Variants in SORT1 observed in about 807,000 individuals in gnomAD.
SORT1 encodes the protein sortilin.
A neutral mutation model predicts 101.7 loss-of-function variants in SORT1; 39 were observed. That is an observed-to-expected ratio of 0.38 (90% confidence interval 0.30 to 0.50). SORT1 has a LOEUF of 0.50. Ranked by LOEUF, SORT1 falls within the 20% of genes least tolerant of loss-of-function variation. The probability of loss-of-function intolerance (pLI) is 0.90; values close to 1 mark genes in which losing one functional copy is unlikely to be tolerated. For synonymous variants in SORT1, 396 were observed against 393.7 expected, an observed-to-expected ratio of 1.01 and a Z score of -0.07; for missense variants, 878 against 1,040.4, an observed-to-expected ratio of 0.84 and a Z score of 2.15.
At chr1:109,372,914 A>C (rs1651577535) in intron 1 of SORT1, among the ~76,000 whole-genome samples, 2 of 150,702 alleles carry the variant, frequency 1.3e-5, no homozygotes, top group Non-Finnish European at 3.0e-5. Context: ...AAAAAAAAAA[A>C]GATACAAAAA....
chr1:109,390,168 C>A lies in SORT1; in HGVS notation c.306+7419G>T, dbSNP rs548694174. ...CCTAAAAATCACCTCCACTTTGATT[C>A]TCTCTTCAGCCAGAGGGCTTTCCCA... On this transcript the variant is annotated intron_variant, in intron 1 of 19. Transcript: ENST00000256637. Among the ~76,000 whole-genome samples, 6 of 152,340 alleles carry A rather than the reference C, an allele frequency of 3.9e-5. No homozygotes were observed. In the South Asian group the frequency reaches 8.3e-4, roughly 21 times the overall value.
intron 11 of SORT1, among the ~76,000 whole-genome samples, chr1:109,333,945 G>A (rs1157759944): frequency 6.6e-6 from 1 of 152,182 alleles, no homozygotes; most frequent in African/African-American, 2.4e-5. Context: ...AGGAGTTCGA[G>A]ACCAGCCTGG....
intron 1 of SORT1, among the ~76,000 whole-genome samples, chr1:109,383,035 T>C (rs1417965209): frequency 5.3e-5 from 8 of 152,190 alleles, no homozygotes. Context: ...AAATTACTGT[T>C]ACTATAAGCT....
intron 1 of SORT1, among the ~76,000 whole-genome samples, chr1:109,371,776 C>T (rs542994767): frequency 3.3e-5 from 5 of 152,258 alleles, no homozygotes; most frequent in Admixed American, 3.3e-4. Flanking sequence ...AAATGTAGGC[C>T]AGATTTACTA....
At chr1:109,341,220 T>C (rs1031555865) in intron 9 of SORT1, among the ~76,000 whole-genome samples, 4 of 152,226 alleles carry the variant, frequency 2.6e-5, no homozygotes, top group Non-Finnish European at 5.9e-5. Flanking sequence ...TCTAGAACAA[T>C]GCTTCTCAAA....
intron 1 of SORT1, among the ~76,000 whole-genome samples, chr1:109,395,947 G>A (rs1048428159): frequency 1.1e-4 from 16 of 151,952 alleles, no homozygotes; most frequent in African/African-American, 3.9e-4. Flanking sequence ...ACAATTAGCT[G>A]GGTGCATGTA....
chr1:109,397,731 G>A lies in SORT1; in HGVS notation c.162C>T (p.Ile54=). 8.4e-7 allele frequency: 1 copy of A among 1,187,340 alleles called. No individual in the cohort carries two copies. The highest frequency in any genetic ancestry group is 1.0e-6 in the Non-Finnish European group (1 of 961,948). The allele number at this position is 1,187,340 out of a possible 1,614,324, so 73.6% of individuals were successfully genotyped here. A position where few individuals can be genotyped will look rare whatever the true frequency, so the allele number is the denominator to read the frequency against. The change falls in exon 1 of 20, where the codon ATC becomes ATT. Residue 54 remains isoleucine, a synonymous_variant. Coordinates refer to ENST00000256637, the MANE Select transcript of SORT1 (RefSeq NM_002959.7). ...CCGCCCGCAGCCCCCAGCTCACCCCGATGGGGCCAGACCAGCGCGGCAGCG... is the reference window on the plus strand; with the variant it reads ...CCGCCCGCAGCCCCCAGCTCACCCCAATGGGGCCAGACCAGCGCGGCAGCG... ...AAPLPRWSGP[I]GVSWGLRAAA...
chr1:109,386,417 T>C (rs1652571027), intron 1 of SORT1, among the ~76,000 whole-genome samples: 1 of 152,158 alleles, frequency 6.6e-6, no homozygotes, highest in Non-Finnish European at 1.5e-5. Context: ...TAGAAGGGCA[T>C]TCAGACAGGA....
At chr1:109,333,674 A>C (rs1648607395) in intron 11 of SORT1, among the ~76,000 whole-genome samples, 1 of 152,224 alleles carries the variant, frequency 6.6e-6, no homozygotes, top group Admixed American at 6.5e-5. Flanking sequence ...ATCATGAGGG[A>C]AATACAAATA....
chr1:109,326,458 TATATATAC>T (rs1252773451), intron 13 of SORT1, among the ~76,000 whole-genome samples: 2,288 of 35,180 alleles, frequency 0.065, 59 homozygotes, highest in East Asian at 0.15. Context: ...TATATATATA[TATATATAC>T]ATACACACAC....
chr1:109,370,881 G>A (rs539360175), intron 1 of SORT1, among the ~76,000 whole-genome samples: 1 of 152,224 alleles, frequency 6.6e-6, no homozygotes, highest in South Asian at 2.1e-4. Flanking sequence ...AATAGAACAT[G>A]TCTATAAATG....
intron 3 of SORT1, among the ~76,000 whole-genome samples, chr1:109,366,571 T>G (rs1177559770): frequency 6.6e-6 from 1 of 152,176 alleles, no homozygotes; most frequent in African/African-American, 2.4e-5. Context: ...CAAACCAACC[T>G]CCTTGGAACC....
Position 109,331,170 on chromosome 1 carries a change from C to G in SORT1, c.1372-3569G>C, listed in dbSNP as rs74875899. On this transcript the variant is annotated intron_variant, in intron 11 of 19. Coordinates refer to ENST00000256637, the MANE Select transcript of SORT1 (RefSeq NM_002959.7). ...ACCAGACAAGGACACTAGAAGAAAA[C>G]AAAATTACAGGTCAATATCTCTGAT... Among the ~76,000 whole-genome samples, 857 of 152,164 alleles carry G rather than the reference C, an allele frequency of 5.6e-3. 7 individuals are homozygous for G. The highest frequency in any genetic ancestry group is 0.019 in the African/African-American group (807 of 41,512).
At position 109,363,180 on chromosome 1, in the gene SORT1, T is replaced by C. The variant is rs555187049; in HGVS notation, c.440+4228A>G. Among the ~76,000 whole-genome samples, 35 of 152,332 alleles carry C rather than the reference T, an allele frequency of 2.3e-4. 1 individual carries two copies. The highest frequency in any genetic ancestry group is 3.7e-4 in the Non-Finnish European group (25 of 68,010). On this transcript the variant is annotated intron_variant, in intron 3 of 19. Coordinates refer to ENST00000256637, the MANE Select transcript of SORT1 (RefSeq NM_002959.7). ...GGTATATAACATTGGTGTAGAATAA[T>C]GCCTACATTTGCTTCACTAAGTACA...
chr1:109,346,359 C>T (rs1312880633), intron 7 of SORT1, among the ~76,000 whole-genome samples: 1 of 149,800 alleles, frequency 6.7e-6, no homozygotes, highest in East Asian at 2.0e-4. Flanking sequence ...ATAGGCAATT[C>T]ATATTTGTGT....
At chr1:109,355,944 C>T (rs1650289401) in intron 3 of SORT1, among the ~76,000 whole-genome samples, 1 of 151,894 alleles carries the variant, frequency 6.6e-6, no homozygotes, top group Non-Finnish European at 1.5e-5. Context: ...GATGCAATCT[C>T]AGCTCAGTGG....
intron 16 of SORT1, among the ~76,000 whole-genome samples, 154 bp downstream of exon 16, chr1:109,317,699 A>T (rs1176973769): frequency 6.6e-6 from 1 of 151,938 alleles, no homozygotes; most frequent in Non-Finnish European, 1.5e-5. Flanking sequence ...CCTGTAGTTG[A>T]CCCTTGAAGG....
chr1:109,367,880 C>T (rs114168203), intron 2 of SORT1, among the ~76,000 whole-genome samples: 2,494 of 152,216 alleles, frequency 0.016, 31 homozygotes, highest in Middle Eastern at 0.027. Flanking sequence ...CTTCTCCTTG[C>T]CGTTGGTTCT....
At chr1:109,316,604 T>C (rs1481155102) in intron 17 of SORT1, among the ~76,000 whole-genome samples, 1 of 152,162 alleles carries the variant, frequency 6.6e-6, no homozygotes, top group African/African-American at 2.4e-5. Flanking sequence ...ATTTTAAGAA[T>C]TTTACAACTT....
Sources: allele counts gnomAD v4.1 joint callset (sites outside exome capture counted in the v4.1 genomes callset), GRCh38; gene constraint gnomAD v4.1.1; transcripts MANE v1.5; gene names NCBI Gene and HGNC (gene_info 2026-07-23, HGNC 2026-07-21).